Variants in CEP63 observed in about 807,000 individuals in gnomAD.
CEP63 encodes the protein centrosomal protein 63, also known as centrosomal protein of 63 kDa.
CEP63 carries 84 observed loss-of-function variants against 89.1 expected under a neutral mutation model. That is an observed-to-expected ratio of 0.94 (90% CI 0.79 to 1.13). CEP63 has a LOEUF of 1.13. Among genes scored for constraint, CEP63 ranks in the 50% most tolerant of loss-of-function variants. The pLI is 0.00. For synonymous variants in CEP63, 267 were observed against 272.5 expected (o/e 0.98, Z 0.20); for missense variants, 838 against 813.3 (o/e 1.03, Z -0.37).
the CEP63 span, chr3:134,643,323 G>A: frequency 6.2e-7 from 1 of 1,613,912 alleles, no homozygotes; most frequent in Non-Finnish European, 8.5e-7. Context: ...TACCTTGGCT[G>A]TTGTAGGAAG....
At position 134,547,424 on chromosome 3, in the gene CEP63, A is replaced by G; in HGVS notation, c.1019A>G (p.His340Arg). The G allele has an allele frequency of 3.7e-6, 6 of 1,613,884 alleles. No homozygotes were observed. The South Asian group carries it at 5.5e-5, about 15-fold the overall frequency. The change falls in exon 9 of 15, where the codon CAT becomes CGT. Residue 340 changes from histidine to arginine, a missense_variant. His to Arg is a conservative substitution (Grantham distance 29, BLOSUM62 0). Coordinates refer to ENST00000675561, the MANE Select transcript of CEP63 (RefSeq NM_001353108.3). ...GTGCTCTCCCAGTTGAATTTTACCC[A>G]TACTAGTGAGGACCTTCTGCAGGCA... ...DSVLSQLNFT[H>R]TSEDLLQAEV...
the CEP63 span, among the ~76,000 whole-genome samples, chr3:134,740,415 A>T: frequency 6.6e-6 from 1 of 151,990 alleles, no homozygotes; most frequent in Non-Finnish European, 1.5e-5. Flanking sequence ...CTCCTGCCTC[A>T]GCCTCCCGAG....
the CEP63 span, among the ~76,000 whole-genome samples, chr3:134,732,841 A>G: frequency 1.3e-5 from 2 of 152,216 alleles, no homozygotes; most frequent in East Asian, 1.9e-4. Context: ...ATTTTATTCT[A>G]CTTATAAACT....
At chr3:134,542,124 G>A (rs1415291321) in intron 6 of CEP63, among the ~76,000 whole-genome samples, 1 of 152,164 alleles carries the variant, frequency 6.6e-6, no homozygotes, top group Non-Finnish European at 1.5e-5. Flanking sequence ...TAAACAGTAT[G>A]TGAAAAAAGT....
the CEP63 span, among the ~76,000 whole-genome samples, chr3:134,744,475 G>A: frequency 6.6e-6 from 1 of 152,138 alleles, no homozygotes; most frequent in Non-Finnish European, 1.5e-5. Flanking sequence ...ATTCCACTGG[G>A]GGCCCAAGCA....
At chr3:134,682,942 G>A in the CEP63 span, among the ~76,000 whole-genome samples, 84 of 152,266 alleles carry the variant, frequency 5.5e-4, no homozygotes, top group African/African-American at 1.9e-3. Context: ...ATTAAAGGGC[G>A]TTTAGTAGGG....
intron 2 of CEP63, among the ~76,000 whole-genome samples, chr3:134,498,752 C>A (rs1386252960): frequency 1.3e-5 from 2 of 152,062 alleles, no homozygotes; most frequent in Non-Finnish European, 2.9e-5. Context: ...GAGTTTTTAT[C>A]ATGGAGAGAT....
the CEP63 span, among the ~76,000 whole-genome samples, chr3:134,747,506 A>C: frequency 1.3e-5 from 2 of 152,160 alleles, no homozygotes; most frequent in Admixed American, 6.5e-5. Flanking sequence ...AGGTGTGTTT[A>C]GGGCCCCACT....
chr3:134,603,399 G>T, the CEP63 span: 1 of 575,678 alleles, frequency 1.7e-6, no homozygotes, highest in Non-Finnish European at 3.0e-6. Flanking sequence ...CCACACCTGA[G>T]TGAAGCCTTC....
intron 13 of CEP63, among the ~76,000 whole-genome samples, chr3:134,558,811 T>C (rs1482555697): frequency 6.6e-6 from 1 of 152,154 alleles, no homozygotes; most frequent in Non-Finnish European, 1.5e-5. Context: ...CACCCTCACC[T>C]CCACTCCTAC....
At chr3:134,557,378 T>TG (rs1553787326) in intron 12 of CEP63, among the ~76,000 whole-genome samples, 1 of 46,332 alleles carries the variant, frequency 2.2e-5, no homozygotes, top group African/African-American at 4.4e-5. Context: ...CATAATTTGT[T>TG]TTTTTTTTTT....
At chr3:134,540,111 C>T (rs1951695402) in intron 6 of CEP63, among the ~76,000 whole-genome samples, 1 of 152,108 alleles carries the variant, frequency 6.6e-6, no homozygotes, top group African/African-American at 2.4e-5. Flanking sequence ...GGTTCATCAT[C>T]TTACTCTCTC....
the CEP63 span, among the ~76,000 whole-genome samples, chr3:134,748,846 C>A: frequency 1.3e-5 from 2 of 152,184 alleles, no homozygotes; most frequent in South Asian, 4.1e-4. Flanking sequence ...GACACGGATG[C>A]AGGCTAGTCA....
chr3:134,569,838 A>T (rs1003818402), downstream of CEP63, among the ~76,000 whole-genome samples: 1 of 152,158 alleles, frequency 6.6e-6, no homozygotes, highest in African/African-American at 2.4e-5. Context: ...CTCTGCAGCA[A>T]ACTTCTGCCT....
At chr3:134,627,929 C>T in the CEP63 span, 1 of 798,414 alleles carries the variant, frequency 1.3e-6, no homozygotes, top group African/African-American at 1.7e-5. Context: ...TCTTTACTCT[C>T]CTTTTCACAG....
At chr3:134,773,777 A>G in the CEP63 span, among the ~76,000 whole-genome samples, 1 of 152,154 alleles carries the variant, frequency 6.6e-6, no homozygotes, top group Admixed American at 6.5e-5. Context: ...CTCTGGATGA[A>G]GGTGCATCCC....
At chr3:134,497,625 C>T (rs1940584764) in intron 2 of CEP63, among the ~76,000 whole-genome samples, 1 of 152,182 alleles carries the variant, frequency 6.6e-6, no homozygotes, top group Non-Finnish European at 1.5e-5. Context: ...CTGCCTCAGC[C>T]TCCTGAGTAG....
At chr3:134,608,855 G>A in the CEP63 span, 3 of 1,597,902 alleles carry the variant, frequency 1.9e-6, no homozygotes, top group Non-Finnish European at 2.6e-6. Flanking sequence ...GCAGAGACAA[G>A]CTGGTTAGCA....
At chr3:134,524,865 G>T (rs1292114237) in intron 3 of CEP63, among the ~76,000 whole-genome samples, 2 of 152,140 alleles carry the variant, frequency 1.3e-5, no homozygotes, top group Non-Finnish European at 2.9e-5. Flanking sequence ...GTCTCTGCCA[G>T]GTTTTGGTAT....
Sources: gnomAD v4.1 joint callset for allele counts (sites outside exome capture counted in the v4.1 genomes callset) on GRCh38, gnomAD v4.1.1 for gene constraint, MANE v1.5 for transcripts, NCBI Gene and HGNC (gene_info 2026-07-23, HGNC 2026-07-21) for gene names.